The following ROBO2 variants were observed in gnomAD, a reference collection of about 807,000 sequenced individuals.
The protein encoded by ROBO2 is roundabout guidance receptor 2.
In ROBO2, 53 loss-of-function variants were observed where a neutral mutation model predicts 160.8. That is an observed-to-expected ratio of 0.33 (90% CI 0.26 to 0.41). The LOEUF (loss-of-function observed/expected upper bound fraction) is 0.41. Among genes scored for constraint, ROBO2 ranks in the 10% least tolerant of loss-of-function variants. ROBO2 has a pLI of 1.00. For missense variants in ROBO2, 1,577 were observed against 1,722.4 expected, an observed-to-expected ratio of 0.92 and a Z score of 1.49; for synonymous variants, 664 against 611.7, an observed-to-expected ratio of 1.09 and a Z score of -1.26.
At chr3:76,171,185 T>G (rs1446452880) in intron 2 of ROBO2, among the ~76,000 whole-genome samples, 1 of 152,120 alleles carries the variant, frequency 6.6e-6, no homozygotes, top group Non-Finnish European at 1.5e-5. Flanking sequence ...GTCTCATTAT[T>G]TTCACAATTT....
chr3:76,263,358 C>T (rs1164361612), intron 2 of ROBO2, among the ~76,000 whole-genome samples: 1 of 151,978 alleles, frequency 6.6e-6, no homozygotes, highest in Non-Finnish European at 1.5e-5. Context: ...TCGCAAATAG[C>T]TGTGACTACA....
At chr3:77,110,553 GAA>G (rs2073434559) in intron 2 of ROBO2, among the ~76,000 whole-genome samples, 1 of 151,228 alleles carries the variant, frequency 6.6e-6, no homozygotes, top group Non-Finnish European at 1.5e-5. Context: ...AAATATAAAT[GAA>G]CAGAACCTTG....
intron 1 of ROBO2, among the ~76,000 whole-genome samples, chr3:77,063,127 T>C (rs557472208): frequency 6.6e-6 from 1 of 152,196 alleles, no homozygotes; most frequent in East Asian, 1.9e-4. Context: ...TTAAAGCATA[T>C]AGGGTGGGAA....
intron 2 of ROBO2, among the ~76,000 whole-genome samples, chr3:76,893,949 A>T (rs2148830970): frequency 6.6e-6 from 1 of 152,230 alleles, no homozygotes; most frequent in South Asian, 2.1e-4. Flanking sequence ...TATAAACAAG[A>T]AGTGAATAAT....
chr3:76,729,977 T>C (rs893710956), intron 2 of ROBO2, among the ~76,000 whole-genome samples: 10 of 152,262 alleles, frequency 6.6e-5, no homozygotes, highest in African/African-American at 2.2e-4. Context: ...AGTATAGTCT[T>C]GAGAGGTTGA....
At chr3:76,609,685 C>T (rs2087935353) in intron 2 of ROBO2, among the ~76,000 whole-genome samples, 1 of 152,134 alleles carries the variant, frequency 6.6e-6, no homozygotes, top group Non-Finnish European at 1.5e-5. Flanking sequence ...TTGACTTCTG[C>T]CTTTACAATG....
chr3:76,797,105 G>C (rs1218271759), intron 2 of ROBO2, among the ~76,000 whole-genome samples: 7 of 152,054 alleles, frequency 4.6e-5, no homozygotes, highest in Admixed American at 3.3e-4. Flanking sequence ...GGACCTAACA[G>C]ATATGTACGG....
chr3:76,854,254 C>G (rs1166962), intron 2 of ROBO2, among the ~76,000 whole-genome samples: 17,429 of 151,916 alleles, frequency 0.11, 1,061 homozygotes, highest in African/African-American at 0.13. Flanking sequence ...TTTATATAAC[C>G]TGCTCCCTAT....
chr3:77,103,682 G>T (rs1037176547), intron 2 of ROBO2, among the ~76,000 whole-genome samples: 4 of 152,108 alleles, frequency 2.6e-5, no homozygotes, highest in African/African-American at 9.7e-5. Context: ...ATTTAGAGAA[G>T]AAGAAGGTCT....
At chr3:76,412,925 C>T (rs6808306) in intron 2 of ROBO2, among the ~76,000 whole-genome samples, 85,749 of 152,140 alleles carry the variant, frequency 0.56, 24,697 homozygotes, top group African/African-American at 0.67. Flanking sequence ...ATTTCCCTTC[C>T]GCACTGCCCT....
At chr3:77,246,591 C>T (rs189249051) in intron 2 of ROBO2, among the ~76,000 whole-genome samples, 19 of 152,190 alleles carry the variant, frequency 1.2e-4, no homozygotes, top group Non-Finnish European at 2.2e-4. Flanking sequence ...CCATGTTAAA[C>T]GTGCTCTACA....
At chr3:76,600,264 C>T (rs1277703133) in intron 2 of ROBO2, among the ~76,000 whole-genome samples, 4 of 152,294 alleles carry the variant, frequency 2.6e-5, no homozygotes, top group Admixed American at 6.5e-5. Context: ...CTGCATATGG[C>T]TAGCCAGTTA....
intron 2 of ROBO2, among the ~76,000 whole-genome samples, chr3:76,609,474 T>C (rs1220584329): frequency 6.6e-6 from 1 of 152,152 alleles, no homozygotes; most frequent in Non-Finnish European, 1.5e-5. Context: ...TAATTTTCTT[T>C]GCCATTATTA....
At chr3:76,751,348 C>G (rs1290040797) in intron 2 of ROBO2, among the ~76,000 whole-genome samples, 1 of 151,998 alleles carries the variant, frequency 6.6e-6, no homozygotes, top group Non-Finnish European at 1.5e-5. Flanking sequence ...ACCATAAAAA[C>G]CCTAGAAGAA....
chr3:77,530,714 A>C (rs1050234071), intron 6 of ROBO2, among the ~76,000 whole-genome samples: 2 of 152,034 alleles, frequency 1.3e-5, no homozygotes, highest in African/African-American at 4.8e-5. Flanking sequence ...TCACTTTAAT[A>C]ATTAAAAATC....
chr3:76,222,075 G>C (rs1211265017), intron 2 of ROBO2, among the ~76,000 whole-genome samples: 3 of 152,124 alleles, frequency 2.0e-5, no homozygotes, highest in Non-Finnish European at 4.4e-5. Flanking sequence ...GCCATAGCTA[G>C]GTCAGCCTTG....
At chr3:76,777,143 A>G (rs1409670545) in intron 2 of ROBO2, among the ~76,000 whole-genome samples, 3 of 151,230 alleles carry the variant, frequency 2.0e-5, no homozygotes, top group East Asian at 3.9e-4. Context: ...AATTTTTGGC[A>G]TAAAATAGTA....
intron 2 of ROBO2, among the ~76,000 whole-genome samples, chr3:77,133,374 C>G (rs1271579690): frequency 6.6e-6 from 1 of 152,184 alleles, no homozygotes; most frequent in Non-Finnish European, 1.5e-5. Flanking sequence ...TGAATTGCAT[C>G]ATGCCTTTGT....
intron 2 of ROBO2, among the ~76,000 whole-genome samples, chr3:76,802,512 A>G (rs1197470215): frequency 2.0e-5 from 3 of 151,894 alleles, no homozygotes; most frequent in Non-Finnish European, 4.4e-5. Flanking sequence ...GCGGATCACA[A>G]AGTCAGGAGA....
Sources: allele counts gnomAD v4.1 joint callset (sites outside exome capture counted in the v4.1 genomes callset), GRCh38; gene constraint gnomAD v4.1.1; transcripts MANE v1.5; gene names NCBI Gene and HGNC (gene_info 2026-07-23, HGNC 2026-07-21).